EBF1: variants seen among roughly 807,000 people sequenced by gnomAD.
EBF1 encodes transcription factor COE1.
In EBF1, 10 loss-of-function variants were observed where a neutral mutation model predicts 68.4. The ratio of observed to expected loss-of-function variants is 0.15; its 90% CI spans 0.09 to 0.25. EBF1 has a LOEUF of 0.25. Among genes scored for constraint, EBF1 ranks in the 10% least tolerant of loss-of-function variants. The pLI is 1.00. For synonymous variants in EBF1, 298 were observed against 299.8 expected, an observed-to-expected ratio of 0.99 and a Z score of 0.06; for missense variants, 509 against 794.4, an observed-to-expected ratio of 0.64 and a Z score of 4.32.
intron 6 of EBF1, among the ~76,000 whole-genome samples, chr5:158,907,179 G>T (rs965906429): frequency 2.0e-5 from 3 of 152,156 alleles, no homozygotes; most frequent in Non-Finnish European, 4.4e-5. Context: ...CTGCCTTCAC[G>T]CAGCAGTCAC....
intron 7 of EBF1, among the ~76,000 whole-genome samples, chr5:158,829,769 A>T (rs563447092): frequency 6.6e-6 from 1 of 152,324 alleles, no homozygotes; most frequent in East Asian, 1.9e-4. Flanking sequence ...TGTTAGAGTC[A>T]CAAGAGACTC....
chr5:158,814,702 C>T (rs766720656), intron 8 of EBF1, among the ~76,000 whole-genome samples: 3 of 152,170 alleles, frequency 2.0e-5, no homozygotes, highest in Non-Finnish European at 4.4e-5. Context: ...ACCTTGTACA[C>T]GTGCCAGAGA....
chr5:158,710,062 T>C (rs191690089), intron 14 of EBF1, among the ~76,000 whole-genome samples: 56 of 152,326 alleles, frequency 3.7e-4, no homozygotes, highest in African/African-American at 1.3e-3. Context: ...ATGTCTTATT[T>C]TTTTATTCCA....
chr5:158,898,352 T>C (rs1388062363), intron 6 of EBF1, among the ~76,000 whole-genome samples: 2 of 152,178 alleles, frequency 1.3e-5, no homozygotes, highest in Non-Finnish European at 2.9e-5. Flanking sequence ...AAAGTTCTTC[T>C]CCCTCACTAT....
chr5:158,706,846 T>C (rs913533510), intron 15 of EBF1, among the ~76,000 whole-genome samples: 39 of 152,224 alleles, frequency 2.6e-4, no homozygotes. Flanking sequence ...AAGACCATAA[T>C]GGCCCTCATA....
chr5:158,759,094 T>C (rs549925600), intron 10 of EBF1, among the ~76,000 whole-genome samples: 1 of 152,208 alleles, frequency 6.6e-6, no homozygotes, highest in Non-Finnish European at 1.5e-5. Flanking sequence ...CACCAACGTC[T>C]CCATTAAATG....
At position 159,099,487 on chromosome 5, in the gene EBF1, C is replaced by T. The variant is rs764664679; in HGVS notation, c.-9G>A. On this transcript the variant is annotated 5_prime_UTR_variant, in exon 1 of 16. Transcript: ENST00000313708. ...TCCTGAATCCCAAACATGAAAACAA[C>T]CTTTTCTTGTGGAAAATCTCCTCCC... The T allele has an allele frequency of 1.3e-6, 2 of 1,496,030 alleles. No homozygotes were observed. Among genetic ancestry groups the T allele is most frequent in the Admixed American group, 2.2e-5 (1 of 45,908 alleles). 92.7% of individuals were successfully genotyped at this position (1,496,030 alleles called of 1,614,324 possible).
chr5:159,013,304 C>G (rs191477469), intron 6 of EBF1, among the ~76,000 whole-genome samples: 108 of 152,286 alleles, frequency 7.1e-4, no homozygotes, highest in Non-Finnish European at 1.2e-3. Context: ...AGGCCCTGCC[C>G]TCAGTGAGCT....
chr5:158,987,976 T>C (rs1379698831), intron 6 of EBF1, among the ~76,000 whole-genome samples: 1 of 152,162 alleles, frequency 6.6e-6, no homozygotes, highest in Admixed American at 6.5e-5. Flanking sequence ...AGCAGCACTG[T>C]GGAGAAAACA....
intron 6 of EBF1, among the ~76,000 whole-genome samples, chr5:159,017,647 A>T (rs765427797): frequency 1.4e-4 from 22 of 152,280 alleles, no homozygotes; most frequent in Middle Eastern, 3.4e-3. Context: ...TTTGTACTTT[A>T]TTTGTTTTCC....
chr5:158,917,440 C>A (rs1211575335), intron 6 of EBF1, among the ~76,000 whole-genome samples: 1 of 152,208 alleles, frequency 6.6e-6, no homozygotes, highest in Non-Finnish European at 1.5e-5. Flanking sequence ...ACAGACCTAC[C>A]TGGATACCAG....
intron 15 of EBF1, 73 bp downstream of exon 15, chr5:158,707,906 C>T: frequency 1.4e-6 from 2 of 1,476,362 alleles, no homozygotes; most frequent in East Asian, 2.5e-5. Context: ...AATGGTGATG[C>T]ATCTGCTTCA....
intron 8 of EBF1, among the ~76,000 whole-genome samples, chr5:158,812,767 A>G (rs1187730166): frequency 6.6e-6 from 1 of 152,086 alleles, no homozygotes; most frequent in Non-Finnish European, 1.5e-5. Context: ...TATTATCATA[A>G]TGCGCTGCCT....
intron 6 of EBF1, among the ~76,000 whole-genome samples, chr5:159,023,328 G>T (rs111408823): frequency 6.6e-6 from 1 of 152,120 alleles, no homozygotes; most frequent in African/African-American, 2.4e-5. Flanking sequence ...AAAACAAATT[G>T]TGCCCATTGT....
At chr5:158,836,485 A>G (rs1182868142) in intron 7 of EBF1, among the ~76,000 whole-genome samples, 1 of 152,232 alleles carries the variant, frequency 6.6e-6, no homozygotes, top group Non-Finnish European at 1.5e-5. Flanking sequence ...GCCAGCATGA[A>G]ATAATACAGA....
intron 6 of EBF1, among the ~76,000 whole-genome samples, chr5:158,909,903 G>A (rs1248530791): frequency 7.5e-6 from 1 of 133,750 alleles, no homozygotes; most frequent in Non-Finnish European, 1.5e-5. Context: ...GTTGCAGTGA[G>A]CCGAGATTGC....
chr5:159,091,196 C>T (rs1035684563), intron 4 of EBF1, among the ~76,000 whole-genome samples: 3 of 152,166 alleles, frequency 2.0e-5, no homozygotes, highest in Admixed American at 6.5e-5. Context: ...TAAATATCCC[C>T]GAACAAATGG....
intron 3 of EBF1, chr5:159,096,142 G>A (rs1782566522): frequency 3.3e-6 from 2 of 606,418 alleles, no homozygotes; most frequent in East Asian, 2.8e-5. Flanking sequence ...CCAGGTAAAC[G>A]CGAGACCGAT....
chr5:158,803,439 C>T (rs1463774126), intron 8 of EBF1, among the ~76,000 whole-genome samples: 2 of 149,160 alleles, frequency 1.3e-5, no homozygotes, highest in Non-Finnish European at 3.0e-5. Flanking sequence ...GATCCTGAAA[C>T]TAGCAGCTAC....
Sources: allele counts gnomAD v4.1 joint callset (sites outside exome capture counted in the v4.1 genomes callset), GRCh38; gene constraint gnomAD v4.1.1; transcripts MANE v1.5; gene names NCBI Gene and HGNC (gene_info 2026-07-23, HGNC 2026-07-21).